GALNT13: variants seen among roughly 807,000 people sequenced by gnomAD.
The protein encoded by GALNT13 is polypeptide N-acetylgalactosaminyltransferase 13, also known as UDP-GalNAc:polypeptide N-acetylgalactosaminyltransferase 13.
A neutral mutation model predicts 64.2 loss-of-function variants in GALNT13; 28 were observed. That is an observed-to-expected ratio of 0.44 (90% confidence interval 0.32 to 0.60). The LOEUF is 0.60. Ranked by LOEUF, GALNT13 falls within the 20% of genes least tolerant of loss-of-function variation. GALNT13 has a pLI of 0.05. For missense variants in GALNT13, 577 were observed against 669.8 expected (o/e 0.86, Z 1.53); for synonymous variants, 214 against 224.6 (o/e 0.95, Z 0.42).
At chr2:154,188,055 T>C (rs1686361024) in intron 4 of GALNT13, among the ~76,000 whole-genome samples, 1 of 149,736 alleles carries the variant, frequency 6.7e-6, no homozygotes, top group Non-Finnish European at 1.5e-5. Flanking sequence ...TCTCCTGTTT[T>C]TCTGTTCATA....
At chr2:153,528,310 A>AAAAACTAT in the GALNT13 span, among the ~76,000 whole-genome samples, 1 of 152,008 alleles carries the variant, frequency 6.6e-6, no homozygotes, top group Non-Finnish European at 1.5e-5. Context: ...ATTTTAAGAC[A>AAAAACTAT]AAAACTATAA....
At chr2:153,536,333 C>T in the GALNT13 span, among the ~76,000 whole-genome samples, 2 of 152,188 alleles carry the variant, frequency 1.3e-5, no homozygotes, top group Non-Finnish European at 2.9e-5. Flanking sequence ...TGCTGGTTCT[C>T]ACAAGGATTA....
At chr2:153,126,947 G>T in the GALNT13 span, among the ~76,000 whole-genome samples, 1 of 152,240 alleles carries the variant, frequency 6.6e-6, no homozygotes, top group East Asian at 1.9e-4. Context: ...TGGCTGGCTG[G>T]CTGACCTAAG....
intron 3 of GALNT13, among the ~76,000 whole-genome samples, chr2:153,992,100 T>A (rs914708877): frequency 3.3e-5 from 5 of 152,210 alleles, no homozygotes; most frequent in African/African-American, 9.6e-5. Flanking sequence ...AATTTTGTCC[T>A]AGGGCTTTAT....
At chr2:154,450,384 G>A in intron 12 of GALNT13, 27 bp from the exon 13 acceptor site, 1 of 1,589,656 alleles carries the variant, frequency 6.3e-7, no homozygotes, top group Non-Finnish European at 8.6e-7. Flanking sequence ...GAAATAAGCT[G>A]CACTGATTAT....
intron 11 of GALNT13, chr2:154,409,351 T>C: frequency 2.5e-6 from 1 of 399,922 alleles, no homozygotes; most frequent in Non-Finnish European, 4.5e-6. Flanking sequence ...TTATCATGTA[T>C]TAGCAAATGA....
chr2:154,135,646 CT>C (rs1261313093), intron 3 of GALNT13, among the ~76,000 whole-genome samples: 1 of 152,086 alleles, frequency 6.6e-6, no homozygotes, highest in South Asian at 2.1e-4. Context: ...CAAGTATATA[CT>C]GAATCCCCTT....
At chr2:154,163,518 T>C (rs183698613) in intron 4 of GALNT13, among the ~76,000 whole-genome samples, 1 of 152,286 alleles carries the variant, frequency 6.6e-6, no homozygotes, top group Non-Finnish European at 1.5e-5. Flanking sequence ...AGTACGGTGT[T>C]CTGTTACCCA....
chr2:153,328,608 G>A, the GALNT13 span, among the ~76,000 whole-genome samples: 1 of 152,124 alleles, frequency 6.6e-6, no homozygotes, highest in East Asian at 1.9e-4. Flanking sequence ...TACATTGTGA[G>A]GGGAAACCCG....
At chr2:154,424,543 CAA>C (rs1700390371) in intron 11 of GALNT13, among the ~76,000 whole-genome samples, 1 of 152,082 alleles carries the variant, frequency 6.6e-6, no homozygotes, top group Non-Finnish European at 1.5e-5. Flanking sequence ...GTCTTTTAAC[CAA>C]AAGAGGCTGC....
chr2:153,993,983 G>A (rs1020209696), intron 3 of GALNT13, among the ~76,000 whole-genome samples: 1 of 151,966 alleles, frequency 6.6e-6, no homozygotes, highest in African/African-American at 2.4e-5. Flanking sequence ...TGTTACATAT[G>A]TATACATATG....
the GALNT13 span, among the ~76,000 whole-genome samples, chr2:153,482,463 T>TTTTTTG: frequency 5.3e-5 from 8 of 152,244 alleles, no homozygotes; most frequent in East Asian, 1.9e-4. Flanking sequence ...CTTGGGCATG[T>TTTTTTG]TTTTTGTTTT....
Position 154,095,517 on chromosome 2 carries a change from A to G in GALNT13, c.143-44820A>G, listed in dbSNP as rs1053857402. Among the ~76,000 whole-genome samples the G allele has an allele frequency of 2.0e-5, 3 of 151,976 alleles. No homozygotes were observed. The East Asian group carries it at 5.8e-4, about 29-fold the overall frequency. ...CCCTATTTTAAAATTGCCAATAACAAGCTAACGTTCACACATCACCCCCAA... is the reference window on the plus strand; with the variant it reads ...CCCTATTTTAAAATTGCCAATAACAGGCTAACGTTCACACATCACCCCCAA... On this transcript the variant is annotated intron_variant, in intron 3 of 12. Coordinates refer to ENST00000392825, the MANE Select transcript of GALNT13 (RefSeq NM_052917.4).
chr2:153,499,032 A>G, the GALNT13 span, among the ~76,000 whole-genome samples: 2 of 152,110 alleles, frequency 1.3e-5, no homozygotes, highest in African/African-American at 4.8e-5. Flanking sequence ...TATTTTTAGT[A>G]GAGACGGGTT....
At chr2:153,193,748 G>A in the GALNT13 span, among the ~76,000 whole-genome samples, 7 of 152,004 alleles carry the variant, frequency 4.6e-5, no homozygotes, top group African/African-American at 1.7e-4. Flanking sequence ...TTGCTTCCAT[G>A]TGTAACACTC....
the GALNT13 span, among the ~76,000 whole-genome samples, chr2:153,617,656 G>T: frequency 6.6e-6 from 1 of 151,716 alleles, no homozygotes; most frequent in Non-Finnish European, 1.5e-5. Flanking sequence ...ATATTTGATA[G>T]AATTCAGCAA....
intron 3 of GALNT13, among the ~76,000 whole-genome samples, chr2:154,027,980 T>A (rs1698087099): frequency 6.6e-6 from 1 of 152,136 alleles, no homozygotes. Context: ...AAATATTGCC[T>A]AAGTAAAACA....
intron 3 of GALNT13, among the ~76,000 whole-genome samples, chr2:154,085,674 C>T (rs1701486414): frequency 6.6e-6 from 1 of 152,046 alleles, no homozygotes; most frequent in Admixed American, 6.6e-5. Flanking sequence ...GCAGACTACA[C>T]ATAGTAATAT....
At chr2:153,641,652 C>T in the GALNT13 span, among the ~76,000 whole-genome samples, 1 of 152,110 alleles carries the variant, frequency 6.6e-6, no homozygotes, top group Non-Finnish European at 1.5e-5. Context: ...CAGAGCAGCA[C>T]TGTTAATTTA....
Sources: gnomAD v4.1 joint callset for allele counts (sites outside exome capture counted in the v4.1 genomes callset) on GRCh38, gnomAD v4.1.1 for gene constraint, MANE v1.5 for transcripts, NCBI Gene and HGNC (gene_info 2026-07-23, HGNC 2026-07-21) for gene names.